The following NELL1 variants were observed in gnomAD, a reference collection of about 807,000 sequenced individuals.
The protein encoded by NELL1 is protein kinase C-binding protein NELL1.
In NELL1, 76 loss-of-function variants were observed where a neutral mutation model predicts 107.4. That is an observed-to-expected ratio of 0.71 (90% CI 0.59 to 0.86). The LOEUF is 0.86. Ranked by LOEUF, NELL1 falls within the 40% of genes least tolerant of loss-of-function variation. The probability of loss-of-function intolerance (pLI) is 0.00; values close to 1 mark genes in which losing one functional copy is unlikely to be tolerated. For synonymous variants in NELL1, 353 were observed against 341.2 expected (o/e 1.03, Z -0.38); for missense variants, 1,024 against 1,005.5 (o/e 1.02, Z -0.25).
intron 2 of NELL1, among the ~76,000 whole-genome samples, chr11:20,750,995 C>T (rs1330967934): frequency 6.6e-6 from 1 of 151,958 alleles, no homozygotes; most frequent in Non-Finnish European, 1.5e-5. Context: ...TTTCCTATTT[C>T]ATTGACTTTG....
intron 4 of NELL1, among the ~76,000 whole-genome samples, chr11:20,858,781 G>A (rs1848927126): frequency 6.6e-6 from 1 of 152,188 alleles, no homozygotes; most frequent in Admixed American, 6.5e-5. Flanking sequence ...TATTTAATGT[G>A]TGGCCTCCAC....
chr11:20,708,924 C>G (rs1030949198), intron 2 of NELL1, among the ~76,000 whole-genome samples: 17 of 152,070 alleles, frequency 1.1e-4, no homozygotes, highest in African/African-American at 4.1e-4. Context: ...CACCTCAGAT[C>G]ATCAGGCATT....
intron 14 of NELL1, among the ~76,000 whole-genome samples, chr11:21,312,562 C>A (rs749504919): frequency 2.6e-5 from 4 of 152,118 alleles, no homozygotes; most frequent in Non-Finnish European, 4.4e-5. Flanking sequence ...ATTCTTACAT[C>A]TTTGAGGGAG....
intron 12 of NELL1, among the ~76,000 whole-genome samples, chr11:21,078,230 T>G (rs1367886224): frequency 6.6e-6 from 1 of 152,080 alleles, no homozygotes; most frequent in African/African-American, 2.4e-5. Flanking sequence ...TGGAGAAAAT[T>G]ATGTGATTCA....
At chr11:21,542,085 C>T (rs746799759) in intron 16 of NELL1, among the ~76,000 whole-genome samples, 1 of 152,044 alleles carries the variant, frequency 6.6e-6, no homozygotes, top group African/African-American at 2.4e-5. Context: ...TTTTCATTAA[C>T]CGAACAACTA....
intron 5 of NELL1, among the ~76,000 whole-genome samples, chr11:20,885,772 G>C (rs1183404218): frequency 6.6e-6 from 1 of 152,212 alleles, no homozygotes; most frequent in Non-Finnish European, 1.5e-5. Context: ...AAACCAGGCA[G>C]AGAGTTAAGT....
At chr11:21,079,255 A>T (rs1274395345) in intron 12 of NELL1, among the ~76,000 whole-genome samples, 4 of 152,080 alleles carry the variant, frequency 2.6e-5, no homozygotes, top group Non-Finnish European at 5.9e-5. Flanking sequence ...ATGAAAACAC[A>T]TAAAGCAAAT....
intron 12 of NELL1, among the ~76,000 whole-genome samples, chr11:21,084,050 A>G (rs994742174): frequency 3.3e-5 from 5 of 152,154 alleles, no homozygotes; most frequent in African/African-American, 9.7e-5. Context: ...GTGGATGACT[A>G]CAGTGAGCGT....
intron 2 of NELL1, among the ~76,000 whole-genome samples, chr11:20,686,071 G>T (rs1408333137): frequency 6.6e-6 from 1 of 151,840 alleles, no homozygotes; most frequent in African/African-American, 2.4e-5. Context: ...CACTTCAAAA[G>T]TGCAAAGTGT....
chr11:21,214,156 T>C (rs1482198644), intron 13 of NELL1, among the ~76,000 whole-genome samples: 2 of 152,156 alleles, frequency 1.3e-5, no homozygotes, highest in Non-Finnish European at 2.9e-5. Flanking sequence ...TTTTTCAGAA[T>C]TTGGAATATT....
At chr11:21,388,859 C>T (rs11026062) in intron 15 of NELL1, among the ~76,000 whole-genome samples, 43,868 of 151,640 alleles carry the variant, frequency 0.29, 6,812 homozygotes, top group Non-Finnish European at 0.34. Flanking sequence ...ATCTACTGTA[C>T]CAACAGTTTG....
chr11:21,270,794 C>T (rs1216952214), intron 14 of NELL1, among the ~76,000 whole-genome samples: 5 of 152,070 alleles, frequency 3.3e-5, no homozygotes, highest in Admixed American at 2.0e-4. Context: ...CAGACCTTAG[C>T]ACATTTAAAA....
chr11:20,688,699 G>C (rs893994088), intron 2 of NELL1, among the ~76,000 whole-genome samples: 1 of 152,034 alleles, frequency 6.6e-6, no homozygotes, highest in Non-Finnish European at 1.5e-5. Flanking sequence ...ACAAACATAC[G>C]AGTACATGTG....
intron 14 of NELL1, among the ~76,000 whole-genome samples, chr11:21,288,118 G>A (rs1027552187): frequency 6.6e-6 from 1 of 150,428 alleles, no homozygotes; most frequent in African/African-American, 2.4e-5. Flanking sequence ...AAGGAAGGAA[G>A]GGAAGGAATG....
At chr11:21,189,051 A>C (rs1221242231) in intron 13 of NELL1, among the ~76,000 whole-genome samples, 1 of 151,858 alleles carries the variant, frequency 6.6e-6, no homozygotes, top group African/African-American at 2.4e-5. Flanking sequence ...AAATGCTTTT[A>C]ACTTTATACA....
chr11:21,250,125 C>A (rs1282881362), intron 14 of NELL1, among the ~76,000 whole-genome samples: 1 of 152,130 alleles, frequency 6.6e-6, no homozygotes, highest in African/African-American at 2.4e-5. Context: ...AACAAACCAG[C>A]AACTATTTAA....
intron 10 of NELL1, among the ~76,000 whole-genome samples, chr11:20,944,741 T>A (rs1316904944): frequency 6.6e-6 from 1 of 152,206 alleles, no homozygotes; most frequent in East Asian, 1.9e-4. Flanking sequence ...GTGGCACTTA[T>A]GCAATGGTAA....
chr11:20,824,929 A>G lies in NELL1; in HGVS notation c.336-22654A>G, dbSNP rs1252263500. On this transcript the variant is annotated intron_variant, in intron 3 of 19. Coordinates refer to ENST00000357134, the MANE Select transcript of NELL1 (RefSeq NM_006157.5). ...ATAAGTAACAAGCAGCCGAATGTTAATCACTAAGACAATATGGAAAATGTC... is the reference window on the plus strand; with the variant it reads ...ATAAGTAACAAGCAGCCGAATGTTAGTCACTAAGACAATATGGAAAATGTC... Among the ~76,000 whole-genome samples the G allele has an allele frequency of 2.6e-5, 4 of 151,426 alleles. 1 individual carries two copies. Among genetic ancestry groups the G allele is most frequent in the African/African-American group, 9.7e-5 (4 of 41,366 alleles).
intron 12 of NELL1, among the ~76,000 whole-genome samples, chr11:21,024,195 G>A (rs1005647504): frequency 6.6e-5 from 10 of 152,210 alleles, no homozygotes; most frequent in East Asian, 1.9e-4. Context: ...CACTGGTTTC[G>A]TTCATTTATT....
Sources: gnomAD v4.1 joint callset for allele counts (sites outside exome capture counted in the v4.1 genomes callset) on GRCh38, gnomAD v4.1.1 for gene constraint, MANE v1.5 for transcripts, NCBI Gene and HGNC (gene_info 2026-07-23, HGNC 2026-07-21) for gene names.